Variants in SORCS2 observed in about 807,000 individuals in gnomAD.
SORCS2 encodes sortilin related VPS10 domain containing receptor 2.
In SORCS2, 100 loss-of-function variants were observed where a neutral mutation model predicts 141.6. The ratio of observed to expected loss-of-function variants is 0.71; its 90% CI spans 0.60 to 0.83. The LOEUF (loss-of-function observed/expected upper bound fraction) is 0.83, where lower values mean the gene tolerates loss of function less well. Ranked by LOEUF, SORCS2 falls within the 40% of genes least tolerant of loss-of-function variation. The probability of loss-of-function intolerance (pLI) is 0.00; values close to 1 mark genes in which losing one functional copy is unlikely to be tolerated. For synonymous variants in SORCS2, 789 were observed against 676.9 expected (o/e 1.17, Z -2.57); for missense variants, 1,646 against 1,560.2 (o/e 1.05, Z -0.93).
chr4:7,200,922 C>T (rs1241845301), intron 1 of SORCS2, among the ~76,000 whole-genome samples: 1 of 152,204 alleles, frequency 6.6e-6, no homozygotes, highest in Non-Finnish European at 1.5e-5. Flanking sequence ...TTGAAACTAG[C>T]TCAAGGCCCG....
At chr4:7,599,954 G>T (rs144797057) in intron 3 of SORCS2, among the ~76,000 whole-genome samples, 3 of 151,960 alleles carry the variant, frequency 2.0e-5, no homozygotes, top group Admixed American at 6.6e-5. Flanking sequence ...CTCCCAAGGA[G>T]CTGGGGTTAC....
intron 1 of SORCS2, among the ~76,000 whole-genome samples, chr4:7,366,538 G>A (rs1451551676): frequency 1.8e-5 from 2 of 110,858 alleles, no homozygotes; most frequent in African/African-American, 6.9e-5. Flanking sequence ...CTTCCCTCCA[G>A]CCTCACCCCC....
In SORCS2 at chr4:7,531,545, G is replaced by T. The variant is rs556960151; in HGVS notation, c.564G>T (p.Gly188=). The change falls in exon 3 of 27, where the codon GGG becomes GGT. Residue 188 remains glycine (G), a synonymous_variant. Transcript: ENST00000507866. ...TTTCCCCCAGGTCATCAGATTTCGG[G>T]ACGTCCTACACCAAGCTCACCCTCC... The part of the protein sequence containing the change: ...ESSLWRSSDF[G]TSYTKLTLQP... 1.2e-6 allele frequency: 2 copies of T among 1,613,838 alleles called. No individual in the cohort carries two copies. Among genetic ancestry groups the T allele is most frequent in the South Asian group, 2.2e-5 (2 of 91,074 alleles).
intron 2 of SORCS2, among the ~76,000 whole-genome samples, chr4:7,399,961 G>A (rs759942558): frequency 4.6e-5 from 7 of 152,046 alleles, no homozygotes; most frequent in East Asian, 1.9e-4. Context: ...AGATTCCACC[G>A]GTCTAGGGTC....
intron 1 of SORCS2, among the ~76,000 whole-genome samples, chr4:7,327,683 C>T (rs1719360691): frequency 6.6e-6 from 1 of 152,200 alleles, no homozygotes; most frequent in Non-Finnish European, 1.5e-5. Context: ...CGGGACGTCT[C>T]TTGTCTCTTG....
intron 1 of SORCS2, among the ~76,000 whole-genome samples, chr4:7,288,443 C>T (rs1006003323): frequency 1.3e-5 from 2 of 151,566 alleles, no homozygotes; most frequent in African/African-American, 4.8e-5. Flanking sequence ...CAGTATTTCT[C>T]ACGGTCCTGG....
chr4:7,621,240 G>T (rs1047353435), intron 3 of SORCS2, among the ~76,000 whole-genome samples: 11 of 152,188 alleles, frequency 7.2e-5, no homozygotes, highest in Admixed American at 5.9e-4. Context: ...GTCTTTCCTG[G>T]GTTCCGAAGC....
intron 2 of SORCS2, among the ~76,000 whole-genome samples, chr4:7,404,752 T>G (rs914636491): frequency 2.0e-5 from 3 of 152,198 alleles, no homozygotes; most frequent in African/African-American, 7.2e-5. Context: ...GTCTGGATAT[T>G]AATCCCCTGT....
At chr4:7,367,813 G>A (rs1420802158) in intron 1 of SORCS2, among the ~76,000 whole-genome samples, 2 of 152,218 alleles carry the variant, frequency 1.3e-5, no homozygotes, top group Non-Finnish European at 2.9e-5. Context: ...TAAAAGGAAT[G>A]TTCTCCGAGT....
chr4:7,617,227 A>G (rs991758459), intron 3 of SORCS2, among the ~76,000 whole-genome samples: 13 of 151,974 alleles, frequency 8.6e-5, no homozygotes, highest in African/African-American at 3.1e-4. Flanking sequence ...CTATCCATCC[A>G]CCTACTCACC....
intron 3 of SORCS2, among the ~76,000 whole-genome samples, chr4:7,627,925 C>A (rs546401033): frequency 6.6e-6 from 1 of 152,362 alleles, no homozygotes; most frequent in African/African-American, 2.4e-5. Context: ...CACGCAGGAA[C>A]CTTGAGAAAC....
intron 1 of SORCS2, among the ~76,000 whole-genome samples, chr4:7,267,130 C>G (rs1249688946): frequency 6.6e-6 from 1 of 151,756 alleles, no homozygotes. Flanking sequence ...ATCAAACTTT[C>G]TAATTCAGCG....
intron 1 of SORCS2, among the ~76,000 whole-genome samples, chr4:7,266,162 T>A (rs1714714045): frequency 6.6e-6 from 1 of 152,100 alleles, no homozygotes; most frequent in Non-Finnish European, 1.5e-5. Context: ...ACGAGTTGGG[T>A]CCAGCTCACC....
At chr4:7,410,518 C>A (rs1458276574) in intron 2 of SORCS2, among the ~76,000 whole-genome samples, 1 of 152,198 alleles carries the variant, frequency 6.6e-6, no homozygotes, top group Non-Finnish European at 1.5e-5. Context: ...ACCTCATGGG[C>A]TCTTATGAAG....
At chr4:7,553,329 A>G (rs1713863682) in intron 3 of SORCS2, among the ~76,000 whole-genome samples, 1 of 152,200 alleles carries the variant, frequency 6.6e-6, no homozygotes. Context: ...AAAACCATGT[A>G]ATTTTTCATC....
At chr4:7,454,234 G>A (rs540066693) in intron 2 of SORCS2, among the ~76,000 whole-genome samples, 6 of 126,876 alleles carry the variant, frequency 4.7e-5, no homozygotes, top group Admixed American at 8.3e-5. Context: ...GTTGGGGTCA[G>A]GTGCTGTGTG....
At chr4:7,446,952 T>A (rs1577577031) in intron 2 of SORCS2, among the ~76,000 whole-genome samples, 1 of 152,322 alleles carries the variant, frequency 6.6e-6, no homozygotes, top group Non-Finnish European at 1.5e-5. Flanking sequence ...AAGGTTTCCT[T>A]CACCTTCAGC....
intron 1 of SORCS2, among the ~76,000 whole-genome samples, chr4:7,262,309 A>G (rs56114253): frequency 7.1e-6 from 1 of 141,362 alleles, no homozygotes; most frequent in African/African-American, 2.6e-5. Flanking sequence ...CATCCATCCA[A>G]CCACCTATCC....
intron 1 of SORCS2, among the ~76,000 whole-genome samples, chr4:7,324,591 G>C (rs1202717005): frequency 1.3e-5 from 2 of 152,236 alleles, no homozygotes; most frequent in Admixed American, 1.3e-4. Context: ...AAGCAGGGGA[G>C]AGACTGGTCC....
Sources: allele counts gnomAD v4.1 joint callset (sites outside exome capture counted in the v4.1 genomes callset), GRCh38; gene constraint gnomAD v4.1.1; transcripts MANE v1.5; gene names NCBI Gene and HGNC (gene_info 2026-07-23, HGNC 2026-07-21).